SYT1: variants seen among roughly 807,000 people sequenced by gnomAD.
SYT1 encodes synaptotagmin-1.
SYT1 carries 8 observed loss-of-function variants against 44.8 expected under a neutral mutation model. That is an observed-to-expected ratio of 0.18 (90% CI 0.10 to 0.32). The LOEUF is 0.32. Ranked by LOEUF, SYT1 falls within the 10% of genes least tolerant of loss-of-function variation. The pLI is 1.00. For missense variants in SYT1, 286 were observed against 509.3 expected (o/e 0.56, Z 4.22); for synonymous variants, 154 against 188.8 (o/e 0.82, Z 1.51).
At chr12:79,325,424 A>G (rs905460534) in intron 8 of SYT1, among the ~76,000 whole-genome samples, 1 of 152,246 alleles carries the variant, frequency 6.6e-6, no homozygotes, top group Non-Finnish European at 1.5e-5. Flanking sequence ...TGGATACTGA[A>G]TAAAGAATAA....
chr12:78,986,890 A>G (rs1453427140), intron 2 of SYT1, among the ~76,000 whole-genome samples: 3 of 152,046 alleles, frequency 2.0e-5, no homozygotes, highest in African/African-American at 7.2e-5. Context: ...AAACAGGTGG[A>G]AAATTGCCTC....
chr12:78,973,916 CAAAAAAA>C (rs1162433648), intron 1 of SYT1, among the ~76,000 whole-genome samples: 28 of 9,068 alleles, frequency 3.1e-3, no homozygotes, highest in South Asian at 6.8e-3. Context: ...AGACGAACAC[CAAAAAAA>C]AAAAAAAAAA....
At chr12:79,049,449 CAT>C (rs1266068117) in intron 3 of SYT1, among the ~76,000 whole-genome samples, 2 of 146,510 alleles carry the variant, frequency 1.4e-5, no homozygotes, top group East Asian at 4.2e-4. Context: ...CTAAATCACT[CAT>C]AAATTACATG....
At chr12:78,911,463 C>T (rs560920691) in intron 1 of SYT1, among the ~76,000 whole-genome samples, 5 of 151,246 alleles carry the variant, frequency 3.3e-5, no homozygotes, top group East Asian at 3.9e-4. Context: ...TCTATGTACA[C>T]GAGAATAAGC....
At chr12:79,249,530 C>A (rs1471650155) in intron 4 of SYT1, among the ~76,000 whole-genome samples, 2 of 152,106 alleles carry the variant, frequency 1.3e-5, no homozygotes, top group African/African-American at 4.8e-5. Context: ...AGACTAGCAG[C>A]CCAATCAGGT....
intron 1 of SYT1, among the ~76,000 whole-genome samples, chr12:78,915,449 C>A (rs1042090155): frequency 2.6e-5 from 4 of 151,828 alleles, no homozygotes; most frequent in Non-Finnish European, 5.9e-5. Flanking sequence ...GAAGACAAGA[C>A]AATGGGGTCA....
intron 9 of SYT1, among the ~76,000 whole-genome samples, chr12:79,367,097 G>A (rs1344334963): frequency 1.3e-5 from 2 of 152,098 alleles, no homozygotes; most frequent in African/African-American, 4.8e-5. Context: ...CAGACCAGTA[G>A]TATATTTCTA....
intron 1 of SYT1, among the ~76,000 whole-genome samples, chr12:78,955,021 A>T (rs1268256734): frequency 6.6e-6 from 1 of 152,184 alleles, no homozygotes; most frequent in Non-Finnish European, 1.5e-5. Context: ...GTGTAAATCC[A>T]TCTGCTGAGT....
At chr12:79,357,647 T>C (rs997875869) in intron 9 of SYT1, among the ~76,000 whole-genome samples, 1 of 152,224 alleles carries the variant, frequency 6.6e-6, no homozygotes, top group Admixed American at 6.5e-5. Flanking sequence ...TGAAATGTGG[T>C]TACACAGGGC....
chr12:79,201,558 C>T (rs1592848005), intron 3 of SYT1, among the ~76,000 whole-genome samples: 1 of 152,126 alleles, frequency 6.6e-6, no homozygotes, highest in African/African-American at 2.4e-5. Context: ...GTGACTGACA[C>T]TACCCAATTC....
intron 1 of SYT1, among the ~76,000 whole-genome samples, chr12:78,948,952 CCTATT>C (rs1442790811): frequency 8.2e-6 from 1 of 121,508 alleles, no homozygotes. Flanking sequence ...AAAATCAAGG[CCTATT>C]ATATTATATT....
At chr12:78,910,658 A>AAAT (rs1477038061) in intron 1 of SYT1, among the ~76,000 whole-genome samples, 1 of 152,048 alleles carries the variant, frequency 6.6e-6, no homozygotes, top group African/African-American at 2.4e-5. Flanking sequence ...CAGTCTAGAC[A>AAAT]AATAGAGTAA....
intron 3 of SYT1, 118 bp from the exon 4 acceptor site, chr12:79,217,385 A>C: frequency 1.3e-6 from 1 of 784,420 alleles, no homozygotes; most frequent in Non-Finnish European, 1.9e-6. Context: ...CTAATGATGG[A>C]CTATTTACCC....
At chr12:79,051,682 A>G (rs1874503125) in intron 3 of SYT1, among the ~76,000 whole-genome samples, 1 of 152,040 alleles carries the variant, frequency 6.6e-6, no homozygotes, top group African/African-American at 2.4e-5. Context: ...CATCTGGGTA[A>G]TGAAAAATGT....
At position 79,450,144 on chromosome 12, in the gene SYT1, T is replaced by A. The variant is rs1870970909; in HGVS notation, c.*1020T>A. 2 of 152,560 alleles carry A rather than the reference T, an allele frequency of 1.3e-5. No individual in the cohort carries two copies. Among genetic ancestry groups the A allele is most frequent in the African/African-American group, 4.8e-5 (2 of 41,446 alleles). The allele number at this position is 152,560 out of a possible 1,614,324, so 9.5% of individuals were successfully genotyped here. ...TTCCAAAAGGTTTGCACATTAGAGT[T>A]TGTAACAAAATATTTTATTATATAA... On this transcript the variant is annotated 3_prime_UTR_variant, in exon 11 of 11. Transcript: ENST00000261205.
chr12:78,947,808 GAT>G (rs1266225829), intron 1 of SYT1, among the ~76,000 whole-genome samples: 4 of 149,784 alleles, frequency 2.7e-5, no homozygotes, highest in Non-Finnish European at 4.5e-5. Context: ...AAAAAAAAAA[GAT>G]AGAATTTAAA....
intron 9 of SYT1, among the ~76,000 whole-genome samples, chr12:79,375,098 A>G (rs1883938351): frequency 6.6e-6 from 1 of 152,220 alleles, no homozygotes; most frequent in East Asian, 1.9e-4. Flanking sequence ...GTCATGAAAT[A>G]TTAATCTTTT....
chr12:78,939,806 G>A (rs886338958), intron 1 of SYT1, among the ~76,000 whole-genome samples: 1 of 152,138 alleles, frequency 6.6e-6, no homozygotes, highest in Non-Finnish European at 1.5e-5. Context: ...GCAATGGAAG[G>A]CAATGATGGC....
chr12:79,152,101 T>G (rs915041103), intron 3 of SYT1, among the ~76,000 whole-genome samples: 2 of 152,110 alleles, frequency 1.3e-5, no homozygotes, highest in Admixed American at 1.3e-4. Context: ...ATTAGTCAAC[T>G]GTGACAGATA....
Sources: allele counts gnomAD v4.1 joint callset (sites outside exome capture counted in the v4.1 genomes callset), GRCh38; gene constraint gnomAD v4.1.1; transcripts MANE v1.5; gene names NCBI Gene and HGNC (gene_info 2026-07-23, HGNC 2026-07-21).